PCDH9: variants seen among roughly 807,000 people sequenced by gnomAD.
The protein encoded by PCDH9 is protocadherin-9.
A neutral mutation model predicts 70.6 loss-of-function variants in PCDH9; 24 were observed. That is an observed-to-expected ratio of 0.34 (90% CI 0.25 to 0.48). The LOEUF (loss-of-function observed/expected upper bound fraction) is 0.48, where lower values mean the gene tolerates loss of function less well. Ranked by LOEUF, PCDH9 falls within the 20% of genes least tolerant of loss-of-function variation. The probability of loss-of-function intolerance (pLI) is 0.99; values close to 1 mark genes in which losing one functional copy is unlikely to be tolerated. For missense variants in PCDH9, 1,281 were observed against 1,503.6 expected, an observed-to-expected ratio of 0.85 and a Z score of 2.45; for synonymous variants, 562 against 558.5, an observed-to-expected ratio of 1.01 and a Z score of -0.09.
rs545031432 is a variant in PCDH9, at chr13:66,701,176, T to C, written c.3139-69765A>G. ...ATATGAGGAAGAGCATCAGACTTTATAGTGAGCTCTTCTGGATTGAATAGT... is the reference window on the plus strand; with the variant it reads ...ATATGAGGAAGAGCATCAGACTTTACAGTGAGCTCTTCTGGATTGAATAGT... On this transcript the variant is annotated intron_variant, in intron 3 of 4. Coordinates refer to ENST00000377865, the MANE Select transcript of PCDH9 (RefSeq NM_203487.3). Among the ~76,000 whole-genome samples, 17 of 151,714 alleles carry C rather than the reference T, an allele frequency of 1.1e-4. No individual in the cohort carries two copies. The East Asian group carries it at 3.1e-3, about 28-fold the overall frequency.
At chr13:66,353,982 A>C (rs547076836) in intron 4 of PCDH9, among the ~76,000 whole-genome samples, 6 of 152,302 alleles carry the variant, frequency 3.9e-5, no homozygotes, top group African/African-American at 1.4e-4. Context: ...ATCTAACAGC[A>C]CATTAGAGCT....
chr13:66,770,781 T>C (rs9571665), intron 3 of PCDH9, among the ~76,000 whole-genome samples: 44,299 of 152,080 alleles, frequency 0.29, 6,719 homozygotes, highest in East Asian at 0.43. Context: ...CTTCTTTGTC[T>C]TTTTGAGCTA....
At position 66,818,794 on chromosome 13, in the gene PCDH9, C is replaced by T. The variant is rs1594100630; in HGVS notation, c.3138+84710G>A. ...AAAAAAATACAAAAAATTAGCCGGG[C>T]GAGGTGGCGGGCGCCTATAGTCCCA... On this transcript the variant is annotated intron_variant, in intron 3 of 4. Transcript: ENST00000377865. Among the ~76,000 whole-genome samples, 3 of 151,930 alleles carry T rather than the reference C, an allele frequency of 2.0e-5. No homozygotes were observed. The South Asian group carries it at 6.2e-4, about 32-fold the overall frequency.
intron 3 of PCDH9, among the ~76,000 whole-genome samples, chr13:66,663,194 G>A (rs1214036394): frequency 6.6e-6 from 1 of 152,028 alleles, no homozygotes; most frequent in East Asian, 1.9e-4. Flanking sequence ...AGTGTTTTTG[G>A]GAAGATTTCT....
chr13:66,670,942 TG>T (rs1419953248), intron 3 of PCDH9, among the ~76,000 whole-genome samples: 3 of 147,020 alleles, frequency 2.0e-5, no homozygotes, highest in Non-Finnish European at 3.0e-5. Context: ...AAAAGGAAGT[TG>T]GGTGATATGG....
At position 66,826,432 on chromosome 13, in the gene PCDH9, A is replaced by G. The variant is rs563034846; in HGVS notation, c.3138+77072T>C. 5.3e-5 allele frequency among the ~76,000 whole-genome samples: 8 copies of G among 152,332 alleles called. No individual in the cohort carries two copies. The East Asian group carries it at 1.5e-3, about 29-fold the overall frequency. On this transcript the variant is annotated intron_variant, in intron 3 of 4. Transcript: ENST00000377865. Reference sequence around the variant, plus strand: ...AGAATGTAGGTTTTTGAGGTCAGACATATCTGAGACAAAATAGTTCTGTCA... The same window carrying G: ...AGAATGTAGGTTTTTGAGGTCAGACGTATCTGAGACAAAATAGTTCTGTCA...
chr13:66,905,955 T>C (rs539277940), intron 2 of PCDH9, among the ~76,000 whole-genome samples: 39 of 152,350 alleles, frequency 2.6e-4, no homozygotes, highest in East Asian at 3.9e-4. Flanking sequence ...CTATAACTCA[T>C]TCATTCACTC....
At chr13:67,113,816 G>A (rs1241925162) in intron 2 of PCDH9, among the ~76,000 whole-genome samples, 2 of 152,074 alleles carry the variant, frequency 1.3e-5, no homozygotes, top group African/African-American at 2.4e-5. Context: ...CAAAGTGCTC[G>A]GATTACAGGA....
chr13:66,552,822 G>A (rs1461156782), intron 4 of PCDH9, among the ~76,000 whole-genome samples: 1 of 152,094 alleles, frequency 6.6e-6, no homozygotes, highest in Non-Finnish European at 1.5e-5. Flanking sequence ...ACCCAAGCCT[G>A]GGTAATTTAT....
chr13:67,191,734 C>T (rs935259475), intron 2 of PCDH9, among the ~76,000 whole-genome samples: 5 of 152,082 alleles, frequency 3.3e-5, no homozygotes, highest in Non-Finnish European at 7.3e-5. Flanking sequence ...TCTCTCTTCT[C>T]TACCTGCCCT....
intron 2 of PCDH9, among the ~76,000 whole-genome samples, chr13:67,088,799 A>C (rs2086160057): frequency 6.6e-6 from 1 of 152,030 alleles, no homozygotes; most frequent in South Asian, 2.1e-4. Context: ...ACTACTGAGC[A>C]GTTTAACTAT....
chr13:66,608,147 G>C (rs1179795317), intron 4 of PCDH9, among the ~76,000 whole-genome samples: 1 of 150,646 alleles, frequency 6.6e-6, no homozygotes, highest in Non-Finnish European at 1.5e-5. Flanking sequence ...ACACAAGAGA[G>C]ATATATGTGT....
intron 4 of PCDH9, among the ~76,000 whole-genome samples, chr13:66,606,177 G>A (rs1442435629): frequency 6.6e-6 from 1 of 152,076 alleles, no homozygotes; most frequent in Non-Finnish European, 1.5e-5. Flanking sequence ...GGGAACAAAT[G>A]GCTGGTTCAC....
intron 4 of PCDH9, among the ~76,000 whole-genome samples, chr13:66,625,320 G>C (rs1030133788): frequency 1.3e-5 from 2 of 152,074 alleles, no homozygotes; most frequent in African/African-American, 4.8e-5. Context: ...GAGGTTTTTA[G>C]GGTACAACAT....
At chr13:66,599,351 T>C (rs1465502830) in intron 4 of PCDH9, among the ~76,000 whole-genome samples, 1 of 151,784 alleles carries the variant, frequency 6.6e-6, no homozygotes, top group Admixed American at 6.6e-5. Flanking sequence ...AAAATCCTGA[T>C]TGAGAAATAT....
intron 4 of PCDH9, among the ~76,000 whole-genome samples, chr13:66,608,744 C>T (rs542444860): frequency 6.6e-6 from 1 of 152,012 alleles, no homozygotes; most frequent in Admixed American, 6.6e-5. Flanking sequence ...ACCTCCGTAT[C>T]ACCACAGGAC....
At chr13:66,396,602 C>A (rs1267585214) in intron 4 of PCDH9, among the ~76,000 whole-genome samples, 3 of 152,126 alleles carry the variant, frequency 2.0e-5, no homozygotes, top group East Asian at 3.9e-4. Context: ...GATAGATAGA[C>A]AAACAACTAA....
chr13:66,856,459 T>C (rs1256865237), intron 3 of PCDH9, among the ~76,000 whole-genome samples: 9 of 152,060 alleles, frequency 5.9e-5, no homozygotes, highest in Admixed American at 5.9e-4. Flanking sequence ...TAACTTATTT[T>C]GAAAAAAATA....
chr13:66,529,157 G>A (rs191215351), intron 4 of PCDH9, among the ~76,000 whole-genome samples: 1 of 151,990 alleles, frequency 6.6e-6, no homozygotes, highest in Non-Finnish European at 1.5e-5. Context: ...ATGGCTAATT[G>A]CACATAAAGG....
Sources: allele counts gnomAD v4.1 joint callset (sites outside exome capture counted in the v4.1 genomes callset), GRCh38; gene constraint gnomAD v4.1.1; transcripts MANE v1.5; gene names NCBI Gene and HGNC (gene_info 2026-07-23, HGNC 2026-07-21).